TTLL5: variants seen among roughly 807,000 people sequenced by gnomAD.
TTLL5 encodes the protein tubulin tyrosine ligase like 5.
In TTLL5, 132 loss-of-function variants were observed where a neutral mutation model predicts 168.4. The ratio of observed to expected loss-of-function variants is 0.78; its 90% confidence interval spans 0.68 to 0.91. The LOEUF is 0.91. TTLL5 is among the 40% of genes least tolerant of loss of function. TTLL5 has a pLI of 0.00. For synonymous variants in TTLL5, 546 were observed against 558.6 expected, an observed-to-expected ratio of 0.98 and a Z score of 0.32; for missense variants, 1,545 against 1,581.5, an observed-to-expected ratio of 0.98 and a Z score of 0.39.
chr14:75,720,798 A>C (rs1887786478), intron 12 of TTLL5, 95 bp downstream of exon 12: 8 of 994,862 alleles, frequency 8.0e-6, no homozygotes, highest in Non-Finnish European at 1.3e-5. Flanking sequence ...ATTCTATAGC[A>C]GTAAGAGGTA....
chr14:75,863,013 A>T (rs559748435), intron 28 of TTLL5, among the ~76,000 whole-genome samples: 1 of 152,326 alleles, frequency 6.6e-6, no homozygotes, highest in East Asian at 1.9e-4. Flanking sequence ...AACATAGCAT[A>T]GGTACTGACT....
chr14:75,780,868 CT>C (rs535628669), intron 24 of TTLL5, among the ~76,000 whole-genome samples: 4 of 151,986 alleles, frequency 2.6e-5, no homozygotes, highest in Non-Finnish European at 5.9e-5. Context: ...TCTTTCTATA[CT>C]TTTTTTTACT....
At chr14:75,953,288 A>G (rs1595331973) in intron 31 of TTLL5, among the ~76,000 whole-genome samples, 1 of 152,236 alleles carries the variant, frequency 6.6e-6, no homozygotes, top group Non-Finnish European at 1.5e-5. Context: ...ATGCTCATAC[A>G]TTTCCAGAGG....
chr14:75,736,781 C>T (rs1888938381), intron 15 of TTLL5, among the ~76,000 whole-genome samples: 1 of 152,202 alleles, frequency 6.6e-6, no homozygotes, highest in Non-Finnish European at 1.5e-5. Flanking sequence ...GGATGTGGAA[C>T]AGGGTGTACT....
At chr14:75,732,271 TTCTAGA>T in intron 12 of TTLL5, 61 bp from the exon 13 acceptor site, 1 of 1,443,792 alleles carries the variant, frequency 6.9e-7, no homozygotes, top group African/African-American at 1.4e-5. Flanking sequence ...AGATTGAGTC[TTCTAGA>T]TCTTTGTGTA....
At chr14:75,853,797 A>G (rs1194869540) in intron 28 of TTLL5, among the ~76,000 whole-genome samples, 1 of 152,214 alleles carries the variant, frequency 6.6e-6, no homozygotes, top group Non-Finnish European at 1.5e-5. Context: ...TAATCCCAGC[A>G]CTTTGGGAGG....
intron 27 of TTLL5, among the ~76,000 whole-genome samples, chr14:75,813,827 TAA>T (rs34546490): frequency 1.7e-4 from 24 of 139,630 alleles, no homozygotes; most frequent in Non-Finnish European, 2.2e-4. Flanking sequence ...TGGTTTCAAT[TAA>T]AAAAAAAAAA....
At chr14:75,883,786 G>A (rs1464604545) in intron 30 of TTLL5, among the ~76,000 whole-genome samples, 1 of 152,192 alleles carries the variant, frequency 6.6e-6, no homozygotes, top group East Asian at 1.9e-4. Context: ...GCTGTTCTGG[G>A]AAGAGCTGGC....
intron 31 of TTLL5, among the ~76,000 whole-genome samples, chr14:75,925,189 A>AC (rs1234976648): frequency 5.7e-5 from 6 of 104,680 alleles, no homozygotes; most frequent in South Asian, 7.0e-4. Context: ...GCGGGGGCTG[A>AC]CCCCCCCACC....
At chr14:75,837,729 CA>C (rs1391258927) in intron 28 of TTLL5, among the ~76,000 whole-genome samples, 5 of 152,120 alleles carry the variant, frequency 3.3e-5, no homozygotes, top group African/African-American at 1.2e-4. Flanking sequence ...TTTCACTTAG[CA>C]TAATATCCTC....
intron 19 of TTLL5, among the ~76,000 whole-genome samples, chr14:75,765,044 A>G (rs977757034): frequency 6.6e-6 from 1 of 152,218 alleles, no homozygotes; most frequent in African/African-American, 2.4e-5. Context: ...CTCTAGAAAT[A>G]ATATTAGCCT....
chr14:75,758,011 G>T, intron 18 of TTLL5: 1 of 750,864 alleles, frequency 1.3e-6, no homozygotes, highest in Middle Eastern at 3.0e-4. Context: ...TATTGAAAAA[G>T]TGTTTTGTCG....
At chr14:75,713,753 G>A (rs2140187707) in intron 9 of TTLL5, among the ~76,000 whole-genome samples, 1 of 152,304 alleles carries the variant, frequency 6.6e-6, no homozygotes, top group South Asian at 2.1e-4. Flanking sequence ...GCCAGCAGCT[G>A]ATACTGGTAT....
chr14:75,810,553 A>T (rs183815590), intron 27 of TTLL5, among the ~76,000 whole-genome samples: 39 of 152,072 alleles, frequency 2.6e-4, no homozygotes, highest in Non-Finnish European at 3.5e-4. Context: ...TATTTTGTAG[A>T]GATGGGGTCT....
intron 22 of TTLL5, among the ~76,000 whole-genome samples, 182 bp downstream of exon 22, chr14:75,775,812 A>G (rs1891692290): frequency 6.6e-6 from 1 of 152,108 alleles, no homozygotes; most frequent in Admixed American, 6.5e-5. Flanking sequence ...GGTCTGAAAA[A>G]CTATTTATTA....
chr14:75,735,135 GC>G, intron 14 of TTLL5, 59 bp from the exon 15 acceptor site: 1 of 1,499,970 alleles, frequency 6.7e-7, no homozygotes, highest in Non-Finnish European at 9.3e-7. Flanking sequence ...AAAAGGTGCA[GC>G]CAGACCTGCT....
chr14:75,893,073 A>T (rs2032478945), intron 30 of TTLL5, among the ~76,000 whole-genome samples: 3 of 152,240 alleles, frequency 2.0e-5, no homozygotes, highest in South Asian at 4.1e-4. Context: ...AAGAACTGGA[A>T]CGTGAATTCT....
chr14:75,869,864 G>A (rs981399391), intron 29 of TTLL5, among the ~76,000 whole-genome samples: 8 of 109,566 alleles, frequency 7.3e-5, no homozygotes, highest in Non-Finnish European at 1.2e-4. Context: ...CTGTTGACCA[G>A]TCTGGAGTAC....
chr14:75,799,992 T>C (rs1482324527), intron 27 of TTLL5, among the ~76,000 whole-genome samples: 1 of 152,246 alleles, frequency 6.6e-6, no homozygotes. Flanking sequence ...TTTGAGCTTC[T>C]CCTGTTTGGA....
Sources: gnomAD v4.1 joint callset for allele counts (sites outside exome capture counted in the v4.1 genomes callset) on GRCh38, gnomAD v4.1.1 for gene constraint, MANE v1.5 for transcripts, NCBI Gene and HGNC (gene_info 2026-07-23, HGNC 2026-07-21) for gene names.